Variants in MCMBP observed in about 807,000 individuals in gnomAD.
MCMBP encodes the protein mini-chromosome maintenance complex-binding protein.
A neutral mutation model predicts 81.3 loss-of-function variants in MCMBP; 31 were observed. The ratio of observed to expected loss-of-function variants is 0.38; its 90% confidence interval spans 0.29 to 0.51. The LOEUF is 0.51. MCMBP is among the 20% of genes least tolerant of loss of function. The pLI is 0.87. For synonymous variants in MCMBP, 267 were observed against 275.9 expected (o/e 0.97, Z 0.32); for missense variants, 645 against 772.1 (o/e 0.84, Z 1.95).
chr10:119,837,198 G>C (rs1852277742), intron 12 of MCMBP, among the ~76,000 whole-genome samples, 169 bp from the exon 13 acceptor site: 1 of 152,112 alleles, frequency 6.6e-6, no homozygotes, highest in Non-Finnish European at 1.5e-5. Flanking sequence ...GCTTACAACA[G>C]TCTTGGTCAA....
intron 1 of MCMBP, among the ~76,000 whole-genome samples, chr10:119,866,152 A>C (rs2134406094): frequency 6.6e-6 from 1 of 152,296 alleles, no homozygotes; most frequent in East Asian, 1.9e-4. Context: ...GAACCATGAA[A>C]ATATCATGGT....
chr10:119,844,147 G>T (rs1852535887), intron 8 of MCMBP, among the ~76,000 whole-genome samples: 1 of 152,150 alleles, frequency 6.6e-6, no homozygotes, highest in Non-Finnish European at 1.5e-5. Flanking sequence ...AGCGTGTGGA[G>T]AATCCATTCA....
At position 119,847,613 on chromosome 10, in the gene MCMBP, C is replaced by T; in HGVS notation, c.827G>A (p.Arg276Lys). ...CCAAAAAAAGAGCACACAGACTCAC[C>T]TTTCATCATTATTCAGTATACTCAG... The part of the protein sequence containing the change: ...PVLSILNNDE[R>K]DASALLDPME... The change falls in exon 8 of 16, where the codon AGG (arginine) becomes AAG (lysine). Residue 276 changes from arginine (R) to lysine (K), a missense_variant and splice_region_variant. Coordinates refer to ENST00000369077, the MANE Select transcript of MCMBP (RefSeq NM_001256378.2). The T allele has an allele frequency of 6.3e-7, 1 of 1,577,968 alleles. No individual in the cohort carries two copies. Among genetic ancestry groups the T allele is most frequent in the Middle Eastern group, 1.7e-4 (1 of 5,956 alleles).
At position 119,831,380 on chromosome 10, in the gene MCMBP, A is replaced by T; in HGVS notation, c.*94T>A. ...GGAAATGTCACTGGTTTGTGATAGA[A>T]ATTACCTATAAAACAATGTGGTATA... On this transcript the variant is annotated 3_prime_UTR_variant, in exon 16 of 16. Coordinates refer to ENST00000369077, the MANE Select transcript of MCMBP (RefSeq NM_001256378.2). 1.4e-6 allele frequency: 2 copies of T among 1,464,974 alleles called. No individual in the cohort carries two copies. The highest frequency in any genetic ancestry group is 2.6e-5 in the South Asian group (2 of 78,032). The allele number at this position is 1,464,974 out of a possible 1,614,324, so 90.7% of individuals were successfully genotyped here.
chr10:119,860,741 T>C (rs1361701160), intron 1 of MCMBP, among the ~76,000 whole-genome samples: 1 of 152,238 alleles, frequency 6.6e-6, no homozygotes, highest in South Asian at 2.1e-4. Flanking sequence ...TTTTTAAAAA[T>C]TGAATGCTTC....
At chr10:119,844,690 G>A (rs183374477) in intron 8 of MCMBP, among the ~76,000 whole-genome samples, 1 of 152,312 alleles carries the variant, frequency 6.6e-6, no homozygotes, top group East Asian at 1.9e-4. Context: ...CGGGCTGGGA[G>A]AGGCAGACCC....
intron 6 of MCMBP, among the ~76,000 whole-genome samples, chr10:119,852,027 C>G (rs556429308): frequency 6.6e-6 from 1 of 151,916 alleles, no homozygotes; most frequent in Admixed American, 6.6e-5. Context: ...TGGCGCATGC[C>G]TGTAATTCCA....
At chr10:119,853,217 G>A in intron 5 of MCMBP, 23 bp from the exon 6 acceptor site, 1 of 1,608,598 alleles carries the variant, frequency 6.2e-7, no homozygotes, top group East Asian at 2.2e-5. Flanking sequence ...GTTAAGAAAA[G>A]ACTATCATAA....
At chr10:119,833,109 G>A (rs1005668866) in intron 14 of MCMBP, among the ~76,000 whole-genome samples, 4 of 152,134 alleles carry the variant, frequency 2.6e-5, no homozygotes, top group Admixed American at 6.5e-5. Context: ...TTATTCACCC[G>A]TAGACTGGGA....
chr10:119,845,518 T>C (rs1238756288), intron 8 of MCMBP, among the ~76,000 whole-genome samples: 1 of 151,984 alleles, frequency 6.6e-6, no homozygotes, highest in East Asian at 1.9e-4. Flanking sequence ...TGTAAAAAAA[T>C]AAATACAGGA....
At chr10:119,838,463 T>G (rs1825137081) in intron 12 of MCMBP, 72 bp downstream of exon 12, 1 of 1,467,298 alleles carries the variant, frequency 6.8e-7, no homozygotes, top group Non-Finnish European at 9.3e-7. Flanking sequence ...GATACTCTTC[T>G]AAAAGTTATT....
At chr10:119,833,502 G>A (rs528818054) in intron 14 of MCMBP, among the ~76,000 whole-genome samples, 104 of 151,426 alleles carry the variant, frequency 6.9e-4, no homozygotes, top group Admixed American at 2.5e-3. Flanking sequence ...GAAAAAAAAA[G>A]AAAAGAAAAA....
intron 1 of MCMBP, among the ~76,000 whole-genome samples, chr10:119,867,248 G>T (rs1479168375): frequency 2.5e-5 from 3 of 120,100 alleles, no homozygotes; most frequent in Non-Finnish European, 1.6e-5. Flanking sequence ...AGCCGAAATC[G>T]CACCACTGCC....
chr10:119,847,739 A>T (rs1564877595), intron 7 of MCMBP, 26 bp from the exon 8 acceptor site: 1 of 1,344,704 alleles, frequency 7.4e-7, no homozygotes, highest in African/African-American at 1.4e-5. Context: ...ATGAAATCAC[A>T]CTGTTAGAAC....
At position 119,830,868 on chromosome 10, in the gene MCMBP, A is replaced by C. The variant is rs531787797; in HGVS notation, c.*606T>G. On this transcript the variant is annotated 3_prime_UTR_variant, in exon 16 of 16. Transcript: ENST00000369077. ...GGTCCATAAAATACAAAAGTCTGGGAACCACTGCCATGTACAAGTTTAGTT... is the reference window on the plus strand; with the variant it reads ...GGTCCATAAAATACAAAAGTCTGGGCACCACTGCCATGTACAAGTTTAGTT... 1 of 152,794 alleles carries C rather than the reference A, an allele frequency of 6.5e-6. No individual in the cohort carries two copies. Among genetic ancestry groups the C allele is most frequent in the African/African-American group, 2.4e-5 (1 of 41,582 alleles). 9.5% of individuals were successfully genotyped at this position (152,794 alleles called of 1,614,324 possible).
rs147141565 is a variant in MCMBP at position 119,856,206 on chromosome 10, G to T, written c.429+1132C>A. The stretch of plus-strand genomic sequence containing the variant: ...TACTGCACTTCAGACTAGCAGCAGA[G>T]CAAGACTCCATCTCAAGAAAACAAA... On this transcript the variant is annotated intron_variant, in intron 5 of 15. Coordinates refer to ENST00000369077, the MANE Select transcript of MCMBP (RefSeq NM_001256378.2). 1.8e-4 allele frequency among the ~76,000 whole-genome samples: 28 copies of T among 152,256 alleles called. No homozygotes were observed. The East Asian group carries it at 5.4e-3, about 29-fold the overall frequency.
In MCMBP at chr10:119,843,114, C is replaced by T. The variant is rs555635176; in HGVS notation, c.1000+140G>A. 497 of 931,724 alleles carry T rather than the reference C, an allele frequency of 5.3e-4. 1 individual carries two copies. Among genetic ancestry groups the T allele is most frequent in the Middle Eastern group, 3.1e-3 (14 of 4,568 alleles). The allele number at this position is 931,724 out of a possible 1,614,324, so 57.7% of individuals were successfully genotyped here. A position where few individuals can be genotyped will look rare whatever the true frequency, so the allele number is the denominator to read the frequency against. On this transcript the variant is annotated intron_variant, in intron 9 of 15. Coordinates refer to ENST00000369077, the MANE Select transcript of MCMBP (RefSeq NM_001256378.2). ...TTAATGTAAGAGAAAAATGGGGCAA[C>T]GAGAGAGAGATTACTGAAAACACTT... is the stretch of plus-strand genomic sequence containing the variant.
chr10:119,850,780 G>GT (rs1164332643), intron 6 of MCMBP, among the ~76,000 whole-genome samples: 28 of 146,350 alleles, frequency 1.9e-4, no homozygotes, highest in Middle Eastern at 3.5e-3. Flanking sequence ...AAAAATGATT[G>GT]TATCAATATC....
intron 1 of MCMBP, 52 bp downstream of exon 1, chr10:119,872,475 G>A (rs1267466877): frequency 3.6e-6 from 4 of 1,105,066 alleles, no homozygotes; most frequent in Non-Finnish European, 2.3e-6. Flanking sequence ...CTGCCCCGGG[G>A]CCCGGCAAAC....
Sources: gnomAD v4.1 joint callset for allele counts (sites outside exome capture counted in the v4.1 genomes callset) on GRCh38, gnomAD v4.1.1 for gene constraint, MANE v1.5 for transcripts, NCBI Gene and HGNC (gene_info 2026-07-23, HGNC 2026-07-21) for gene names.